The following TNRC18 variants were observed in gnomAD, a reference collection of about 807,000 sequenced individuals.
TNRC18 encodes trinucleotide repeat-containing gene 18 protein.
In TNRC18, 69 loss-of-function variants were observed where a neutral mutation model predicts 226.7. That is an observed-to-expected ratio of 0.30 (90% confidence interval 0.25 to 0.37). The LOEUF (loss-of-function observed/expected upper bound fraction) is 0.37. TNRC18 is among the 10% of genes least tolerant of loss of function. The pLI is 1.00. For synonymous variants in TNRC18, 2,449 were observed against 1,927.6 expected, an observed-to-expected ratio of 1.27 and a Z score of -7.09; for missense variants, 4,754 against 4,256.6, an observed-to-expected ratio of 1.12 and a Z score of -3.25.
chr7:5,408,298 CAAAA>C (rs55756995), intron 2 of TNRC18, among the ~76,000 whole-genome samples: 1 of 72,474 alleles, frequency 1.4e-5, no homozygotes, highest in Middle Eastern at 8.8e-3. Context: ...ACTTCCGTCT[CAAAA>C]AAAAAAAAAA....
chr7:5,359,681 G>T, intron 14 of TNRC18, 112 bp from the exon 15 acceptor site: 1 of 1,201,932 alleles, frequency 8.3e-7, no homozygotes. Flanking sequence ...CGTGGACAGT[G>T]ATGGCAGAGT....
chr7:5,362,638 C>A lies in TNRC18; in HGVS notation c.4395+12G>T. 6.5e-7 allele frequency: 1 copy of A among 1,545,576 alleles called. No homozygotes were observed. Among genetic ancestry groups the A allele is most frequent in the Admixed American group, 1.9e-5 (1 of 52,148 alleles). On this transcript the variant is annotated intron_variant, in intron 12 of 29. Transcript: ENST00000430969. Reference sequence around the variant, plus strand: ...CCCGCGGACCCCAGGGAGGAAGCAGCCAGCCGCTCACCCGCTCCTCCTTCT... The same window carrying A: ...CCCGCGGACCCCAGGGAGGAAGCAGACAGCCGCTCACCCGCTCCTCCTTCT...
At chr7:5,315,240 G>T in intron 25 of TNRC18, 92 bp from the exon 26 acceptor site, 1 of 1,386,914 alleles carries the variant, frequency 7.2e-7, no homozygotes, top group Non-Finnish European at 9.6e-7. Flanking sequence ...TCAGGGATGG[G>T]GGCGGAAGCA....
In TNRC18 at chr7:5,307,662, C is replaced by G; in HGVS notation, c.*444G>C. ...ACGGTGGGAGGCCTTGGGGTGGGCT[C>G]CATGCTAAGGGTGCTTGGGAAGCCC... On this transcript the variant is annotated 3_prime_UTR_variant, in exon 30 of 30. Transcript: ENST00000430969. The G allele has an allele frequency of 2.6e-6, 1 of 380,152 alleles. No individual in the cohort carries two copies. Among genetic ancestry groups the G allele is most frequent in the Non-Finnish European group, 5.3e-6 (1 of 186,970 alleles). 23.5% of individuals were successfully genotyped at this position (380,152 alleles called of 1,614,324 possible). A position where few individuals can be genotyped will look rare whatever the true frequency, so the allele number is the denominator to read the frequency against.
In TNRC18 at chr7:5,359,442, G is replaced by C; in HGVS notation, c.4789C>G (p.Gln1597Glu). Reference sequence around the variant, plus strand: ...GAGGCCTCATGTTCATCCCAAGTCTGGTTCCTCCCCCTGGCTTTCCCCATT... The same window carrying C: ...GAGGCCTCATGTTCATCCCAAGTCTCGTTCCTCCCCCTGGCTTTCCCCATT... ...IGMGKARGRN[Q>E]TWDEHEASSD... The change falls in exon 15 of 30, where the codon CAG (glutamine) becomes GAG (glutamate). Residue 1597 changes from glutamine (Q) to glutamate (E), a missense_variant. Gln to Glu is a conservative substitution (Grantham distance 29). Coordinates refer to ENST00000430969, the MANE Select transcript of TNRC18 (RefSeq NM_001080495.3). 3 of 1,614,030 alleles carry C rather than the reference G, an allele frequency of 1.9e-6. No individual in the cohort carries two copies. The highest frequency in any genetic ancestry group is 2.5e-6 in the Non-Finnish European group (3 of 1,179,898).
Position 5,377,310 on chromosome 7 carries a change from G to GCCCCCCCC in TNRC18, c.2461+60_2461+61insGGGGGGGG. 1 of 1,401,648 alleles carries GCCCCCCCC rather than the reference G, an allele frequency of 7.1e-7. No individual in the cohort carries two copies. Among genetic ancestry groups the GCCCCCCCC allele is most frequent in the Non-Finnish European group, 9.6e-7 (1 of 1,046,932 alleles). The allele number at this position is 1,401,648 out of a possible 1,614,324, so 86.8% of individuals were successfully genotyped here. A position where few individuals can be genotyped will look rare whatever the true frequency, so the allele number is the denominator to read the frequency against. On this transcript the variant is annotated intron_variant, in intron 7 of 29. Transcript: ENST00000430969. This position sits in a 1 kb window ranked among gnomAD's most constrained non-coding sequence, Gnocchi z 5.8. ...GGAGCCAGCCCTGAGCTCTTGTCCTGCACCCGCCCCCTCCCACCCCTCCCT... is the reference window on the plus strand; with the variant it reads ...GGAGCCAGCCCTGAGCTCTTGTCCTGCCCCCCCCCACCCGCCCCCTCCCACCCCTCCCT...
chr7:5,387,052 C>A (rs1187738213), intron 5 of TNRC18, among the ~76,000 whole-genome samples: 2 of 152,112 alleles, frequency 1.3e-5, no homozygotes, highest in Admixed American at 1.3e-4. Context: ...CCAGCCTGGG[C>A]AACAAGAGTG....
chr7:5,365,129 T>C (rs1280918509), intron 11 of TNRC18, among the ~76,000 whole-genome samples: 1 of 152,134 alleles, frequency 6.6e-6, no homozygotes, highest in Admixed American at 6.6e-5. Context: ...TTCCTGTCTT[T>C]TCAAGATAGG....
In TNRC18 at chr7:5,357,282, G is replaced by C; in HGVS notation, c.4834-6C>G. ...TTCTTCTTCTTAATCTTTAGCTGGA[G>C]AGGGAAGGTGGGTCATGGGTTAAAA... is the stretch of plus-strand genomic sequence containing the variant. On this transcript the variant is annotated splice_region_variant and splice_polypyrimidine_tract_variant and intron_variant, in intron 15 of 29. Coordinates refer to ENST00000430969, the MANE Select transcript of TNRC18 (RefSeq NM_001080495.3). 1 of 1,606,884 alleles carries C rather than the reference G, an allele frequency of 6.2e-7. No individual in the cohort carries two copies.
chr7:5,342,977 T>C (rs556194999), intron 18 of TNRC18, among the ~76,000 whole-genome samples: 1 of 152,304 alleles, frequency 6.6e-6, no homozygotes, highest in East Asian at 1.9e-4. Context: ...GCAAAAAGTT[T>C]ACAACTCACT....
intron 2 of TNRC18, among the ~76,000 whole-genome samples, chr7:5,419,580 T>A (rs1782412991): frequency 6.6e-6 from 1 of 151,872 alleles, no homozygotes. Context: ...CCCGCGCCCC[T>A]CCCTCGCCAC....
Position 5,387,857 on chromosome 7 carries a change from T to G in TNRC18, c.1967A>C (p.Glu656Ala). The G allele has an allele frequency of 6.2e-7, 1 of 1,600,428 alleles. No individual in the cohort carries two copies. The highest frequency in any genetic ancestry group is 1.1e-5 in the South Asian group (1 of 90,376). The change falls in exon 5 of 30, where the codon GAG becomes GCG. Residue 656 changes from glutamate (E) to alanine (A), a missense_variant. Glu to Ala is a moderately radical substitution (Grantham distance 107, BLOSUM62 -1). Transcript: ENST00000430969. ...GAAAGCTTTGGCGCTCTCGGGCCTCTCGGGGTCCCGCTTCAGCTGCCGGCC... is the reference window on the plus strand; with the variant it reads ...GAAAGCTTTGGCGCTCTCGGGCCTCGCGGGGTCCCGCTTCAGCTGCCGGCC... ...GGGRQLKRDPERPESAKAFGR... is the reference protein window; with the variant it reads ...GGGRQLKRDPARPESAKAFGR...
intron 5 of TNRC18, among the ~76,000 whole-genome samples, chr7:5,381,808 A>T (rs941627612): frequency 6.6e-6 from 1 of 152,090 alleles, no homozygotes; most frequent in African/African-American, 2.4e-5. Context: ...TCTACTAAAA[A>T]TACAAAAATT....
chr7:5,320,247 G>C (rs996836509), intron 24 of TNRC18, 71 bp downstream of exon 24: 1 of 1,279,350 alleles, frequency 7.8e-7, no homozygotes, highest in African/African-American at 1.5e-5. Context: ...TTAGAGTTGG[G>C]TTTTAGTAGC....
At position 5,345,517 on chromosome 7, in the gene TNRC18, G is replaced by GGCCCCCCCCCCCCCCCCCCC; in HGVS notation, c.5719+44_5719+45insGGGGGGGGGGGGGGGGGGGC. On this transcript the variant is annotated intron_variant, in intron 18 of 29. Coordinates refer to ENST00000430969, the MANE Select transcript of TNRC18 (RefSeq NM_001080495.3). ...CCTGTGGGATGGGGCAATGGCGTCC[G>GGCCCCCCCCCCCCCCCCCCC]CCCCTCCCACCCACCCCCACCGCAG... 7 of 377,740 alleles carry GGCCCCCCCCCCCCCCCCCCC rather than the reference G, an allele frequency of 1.9e-5. 1 individual carries two copies. The highest frequency in any genetic ancestry group is 4.4e-5 in the South Asian group (1 of 22,822). The allele number at this position is 377,740 out of a possible 1,614,324, so 23.4% of individuals were successfully genotyped here.
At chr7:5,360,000 CGAA>C (rs1023063444) in intron 14 of TNRC18, among the ~76,000 whole-genome samples, 6 of 151,290 alleles carry the variant, frequency 4.0e-5, no homozygotes, top group Admixed American at 6.6e-5. Context: ...AAAAAAAAAA[CGAA>C]GAAGGAGCCA....
intron 18 of TNRC18, 102 bp from the exon 19 acceptor site, chr7:5,333,151 C>A: frequency 7.6e-7 from 1 of 1,323,974 alleles, no homozygotes; most frequent in Non-Finnish European, 1.0e-6. Context: ...ACCTCCCCGC[C>A]AATGGCAGCG....
Position 5,306,888 on chromosome 7 carries a change from A to C in TNRC18, c.*1218T>G, listed in dbSNP as rs1786567372. ...TTCCAAAAGAAACATAAAAAAAAAA[A>C]CCAATAATTCCCCCAAAAAACAAAC... On this transcript the variant is annotated 3_prime_UTR_variant, in exon 30 of 30. Coordinates refer to ENST00000430969, the MANE Select transcript of TNRC18 (RefSeq NM_001080495.3). 6.6e-6 allele frequency: 1 copy of C among 150,388 alleles called. No homozygotes were observed. The highest frequency in any genetic ancestry group is 1.5e-5 in the Non-Finnish European group (1 of 67,624). 9.3% of individuals were successfully genotyped at this position (150,388 alleles called of 1,614,324 possible).
intron 2 of TNRC18, among the ~76,000 whole-genome samples, chr7:5,414,481 C>A (rs1782039757): frequency 6.6e-6 from 1 of 151,804 alleles, no homozygotes; most frequent in Non-Finnish European, 1.5e-5. Context: ...GGCGCGATCT[C>A]GGCTCACTGC....
Sources: gnomAD v4.1 joint callset for allele counts (sites outside exome capture counted in the v4.1 genomes callset) on GRCh38, gnomAD v4.1.1 for gene constraint, Gnocchi (gnomAD v3.1) non-coding constraint, MANE v1.5 for transcripts, NCBI Gene and HGNC (gene_info 2026-07-23, HGNC 2026-07-21) for gene names.